BRINP3: variants seen among roughly 807,000 people sequenced by gnomAD.
BRINP3 encodes BMP/retinoic acid-inducible neural-specific protein 3.
BRINP3 carries 19 observed loss-of-function variants against 71.0 expected under a neutral mutation model. The observed-to-expected ratio is 0.27, with a 90% CI of 0.19 to 0.39. BRINP3 has a LOEUF of 0.39. Among genes scored for constraint, BRINP3 ranks in the 10% least tolerant of loss-of-function variants. The pLI is 1.00. For missense variants in BRINP3, 959 were observed against 940.8 expected (o/e 1.02, Z -0.25); for synonymous variants, 380 against 337.7 (o/e 1.13, Z -1.37).
rs146526436 is a variant in BRINP3 at position 190,190,621 on chromosome 1, C to A, written c.962-29731G>T. 1.2e-3 allele frequency among the ~76,000 whole-genome samples: 182 copies of A among 152,152 alleles called. 4 individuals carry two copies. The East Asian group carries it at 0.03, about 25-fold the overall frequency. ...ATAACTACATATTTCTACTGTAGAG[C>A]ATACTGATTCTTGCCTATCAGAATT... is the stretch of plus-strand genomic sequence containing the variant. On this transcript the variant is annotated intron_variant, in intron 6 of 7. Transcript: ENST00000367462.
chr1:190,141,988 A>C (rs1212963227), intron 7 of BRINP3, among the ~76,000 whole-genome samples: 1 of 152,196 alleles, frequency 6.6e-6, no homozygotes, highest in African/African-American at 2.4e-5. Flanking sequence ...AAAAAGTAAA[A>C]AGTAAACATG....
At chr1:190,112,851 A>G (rs966597567) in intron 7 of BRINP3, among the ~76,000 whole-genome samples, 1 of 152,164 alleles carries the variant, frequency 6.6e-6, no homozygotes, top group African/African-American at 2.4e-5. Context: ...TACATTCCCC[A>G]GGAAAGAACC....
chr1:190,239,575 A>G (rs962922003), intron 4 of BRINP3, among the ~76,000 whole-genome samples: 4 of 152,128 alleles, frequency 2.6e-5, no homozygotes, highest in Non-Finnish European at 4.4e-5. Flanking sequence ...AATCTAGGAC[A>G]TGGTTGCTGA....
intron 4 of BRINP3, among the ~76,000 whole-genome samples, chr1:190,252,862 A>G (rs1284359870): frequency 6.6e-6 from 1 of 151,980 alleles, no homozygotes; most frequent in Non-Finnish European, 1.5e-5. Flanking sequence ...TACATGTGCC[A>G]TCTTGGTTTG....
At chr1:190,330,948 A>T (rs1322905776) in intron 2 of BRINP3, among the ~76,000 whole-genome samples, 1 of 151,942 alleles carries the variant, frequency 6.6e-6, no homozygotes, top group African/African-American at 2.4e-5. Context: ...AAAGATGGCA[A>T]CAACAGAACC....
intron 7 of BRINP3, among the ~76,000 whole-genome samples, chr1:190,115,193 T>G (rs1653028637): frequency 6.6e-6 from 1 of 152,198 alleles, no homozygotes; most frequent in Admixed American, 6.6e-5. Flanking sequence ...ATTTGTAAAA[T>G]GATAGGCATA....
intron 2 of BRINP3, among the ~76,000 whole-genome samples, chr1:190,338,082 T>C (rs1253985192): frequency 6.6e-6 from 1 of 152,082 alleles, no homozygotes; most frequent in Non-Finnish European, 1.5e-5. Flanking sequence ...GATTCAAGGA[T>C]AACAAACTTG....
chr1:190,450,874 T>A (rs975215943), intron 2 of BRINP3, among the ~76,000 whole-genome samples: 1 of 152,182 alleles, frequency 6.6e-6, no homozygotes, highest in Admixed American at 6.5e-5. Flanking sequence ...TTCATTATAA[T>A]CCTGTCACAT....
chr1:190,134,435 A>AG (rs1167014220), intron 7 of BRINP3, among the ~76,000 whole-genome samples: 1 of 152,114 alleles, frequency 6.6e-6, no homozygotes, highest in African/African-American at 2.4e-5. Flanking sequence ...AAATCAGGGT[A>AG]GAAAAAAATA....
rs1668047589 is a variant in BRINP3, at chr1:190,346,745, G to A, written c.237-64995C>T. Among the ~76,000 whole-genome samples, 3 of 151,974 alleles carry A rather than the reference G, an allele frequency of 2.0e-5. No individual in the cohort carries two copies. The East Asian group carries it at 5.8e-4, about 29-fold the overall frequency. On this transcript the variant is annotated intron_variant, in intron 2 of 7. Transcript: ENST00000367462. ...AGTTTAGACTTTATCCTCCCTAACA[G>A]CGATCTCTGAAATGCCCCAGAATAG...
chr1:190,344,728 A>C (rs1220541230), intron 2 of BRINP3, among the ~76,000 whole-genome samples: 1 of 151,874 alleles, frequency 6.6e-6, no homozygotes, highest in Non-Finnish European at 1.5e-5. Context: ...GAGGTAGTTG[A>C]AAAGTTTAAC....
At chr1:190,164,692 G>A (rs556162180) in intron 6 of BRINP3, among the ~76,000 whole-genome samples, 5 of 152,042 alleles carry the variant, frequency 3.3e-5, no homozygotes, top group East Asian at 3.9e-4. Context: ...TTGGGCTCAC[G>A]CAATTCTCCG....
intron 2 of BRINP3, among the ~76,000 whole-genome samples, chr1:190,448,714 T>A (rs1456571116): frequency 6.6e-6 from 1 of 151,936 alleles, no homozygotes; most frequent in South Asian, 2.1e-4. Context: ...TTTTTAAGTC[T>A]GATTATGATA....
intron 6 of BRINP3, among the ~76,000 whole-genome samples, chr1:190,175,125 C>T (rs1652390734): frequency 6.6e-6 from 1 of 152,122 alleles, no homozygotes; most frequent in African/African-American, 2.4e-5. Flanking sequence ...GGCAATATTA[C>T]TCCTTTCTCA....
At chr1:190,226,875 G>C (rs897445518) in intron 5 of BRINP3, among the ~76,000 whole-genome samples, 2 of 151,782 alleles carry the variant, frequency 1.3e-5, no homozygotes, top group African/African-American at 4.8e-5. Flanking sequence ...ATAACTACAG[G>C]AATCAGATGG....
intron 6 of BRINP3, among the ~76,000 whole-genome samples, chr1:190,206,961 G>A (rs1161365809): frequency 8.0e-5 from 12 of 149,434 alleles, no homozygotes; most frequent in Admixed American, 7.4e-4. Context: ...ACAATATCAT[G>A]TTTGGGTTTT....
At chr1:190,249,821 T>C (rs748628013) in intron 4 of BRINP3, among the ~76,000 whole-genome samples, 3 of 151,866 alleles carry the variant, frequency 2.0e-5, no homozygotes, top group Non-Finnish European at 4.4e-5. Context: ...ATGATATATA[T>C]TATATAGTCA....
At chr1:190,273,264 T>C (rs1243504741) in intron 3 of BRINP3, among the ~76,000 whole-genome samples, 1 of 151,452 alleles carries the variant, frequency 6.6e-6, no homozygotes, top group Non-Finnish European at 1.5e-5. Flanking sequence ...ATCAACTAAA[T>C]GATTGCGTTC....
chr1:190,377,710 CACA>C (rs1379103846), intron 2 of BRINP3, among the ~76,000 whole-genome samples: 1 of 151,304 alleles, frequency 6.6e-6, no homozygotes, highest in Non-Finnish European at 1.5e-5. Context: ...AATCAACCCT[CACA>C]ACAATTGTGT....
Sources: allele counts gnomAD v4.1 joint callset (sites outside exome capture counted in the v4.1 genomes callset), GRCh38; gene constraint gnomAD v4.1.1; transcripts MANE v1.5; gene names NCBI Gene and HGNC (gene_info 2026-07-23, HGNC 2026-07-21).